The following ANO1 variants were observed in gnomAD, a reference collection of about 807,000 sequenced individuals.
ANO1 encodes the protein anoctamin 1, also known as anoctamin-1.
A neutral mutation model predicts 124.0 loss-of-function variants in ANO1; 59 were observed. The ratio of observed to expected loss-of-function variants is 0.48; its 90% CI spans 0.39 to 0.59. The LOEUF is 0.59. Among genes scored for constraint, ANO1 ranks in the 20% least tolerant of loss-of-function variants. The pLI is 0.00. For missense variants in ANO1, 1,059 were observed against 1,328.0 expected (o/e 0.80, Z 3.15); for synonymous variants, 529 against 532.0 (o/e 0.99, Z 0.08).
chr11:70,120,934 G>A (rs2046238556), intron 8 of ANO1, among the ~76,000 whole-genome samples: 2 of 152,190 alleles, frequency 1.3e-5, no homozygotes, highest in African/African-American at 2.4e-5. Context: ...CCGGGGCTAA[G>A]GTGCCACCTT....
In ANO1 at chr11:70,001,254, G is replaced by A. The variant is rs148218707; in HGVS notation, c.58+15088G>A. Among the ~76,000 whole-genome samples, 10 of 152,286 alleles carry A rather than the reference G, an allele frequency of 6.6e-5. No individual in the cohort carries two copies. The East Asian group carries it at 1.9e-3, about 29-fold the overall frequency. On this transcript the variant is annotated intron_variant, in intron 1 of 27. Transcript: ENST00000531349. The stretch of plus-strand genomic sequence containing the variant: ...AGCTAGCTGGCCTACATTCTAAATA[G>A]AATGCTCAGTAAACAAAGAGGCAGA...
intron 8 of ANO1, among the ~76,000 whole-genome samples, chr11:70,124,077 T>C (rs2046394520): frequency 6.6e-6 from 1 of 152,174 alleles, no homozygotes; most frequent in Non-Finnish European, 1.5e-5. Context: ...TGGTGTCTGA[T>C]GGGGATGACC....
intron 1 of ANO1, among the ~76,000 whole-genome samples, chr11:70,000,119 AC>A (rs1383352948): frequency 6.6e-6 from 1 of 152,218 alleles, no homozygotes; most frequent in Non-Finnish European, 1.5e-5. Context: ...AAGTGAGGTC[AC>A]TTTTTGGATG....
intron 11 of ANO1, among the ~76,000 whole-genome samples, chr11:70,136,566 G>A (rs115239320): frequency 0.012 from 1,732 of 141,830 alleles, 86 homozygotes; most frequent in African/African-American, 0.039. Flanking sequence ...GCTGAGGTTC[G>A]AAGGCTCAGC....
intron 1 of ANO1, among the ~76,000 whole-genome samples, chr11:70,024,365 T>C (rs997216818): frequency 6.6e-6 from 1 of 152,098 alleles, no homozygotes; most frequent in East Asian, 1.9e-4. Flanking sequence ...GGCAGTGGTG[T>C]TTCCTTAAGG....
At chr11:70,020,444 T>C (rs1856781742) in intron 1 of ANO1, among the ~76,000 whole-genome samples, 1 of 151,848 alleles carries the variant, frequency 6.6e-6, no homozygotes, top group Admixed American at 6.6e-5. Flanking sequence ...TGGTCCACCC[T>C]CCCCCAGCCC....
At chr11:70,098,806 G>A (rs948171) in intron 2 of ANO1, among the ~76,000 whole-genome samples, 151,186 of 152,264 alleles carry the variant, frequency 0.99, 75,062 homozygotes, top group East Asian at 1. Flanking sequence ...GGCCACGGGG[G>A]CTGTAGCGGG....
chr11:69,983,746 T>G (rs1281986707), upstream of ANO1, among the ~76,000 whole-genome samples: 3 of 152,220 alleles, frequency 2.0e-5, no homozygotes, highest in Non-Finnish European at 2.9e-5. Context: ...CTTTTAAACG[T>G]CTGGGTCTTC....
At chr11:70,023,909 T>G (rs975988746) in intron 1 of ANO1, among the ~76,000 whole-genome samples, 1 of 152,252 alleles carries the variant, frequency 6.6e-6, no homozygotes. Context: ...TACCAAAGTC[T>G]TGTCGAGAAA....
chr11:69,973,655 C>CTT, the ANO1 span, among the ~76,000 whole-genome samples: 1 of 151,992 alleles, frequency 6.6e-6, no homozygotes, highest in African/African-American at 2.4e-5. Context: ...GGGTGGATCA[C>CTT]AAGGTCAGGA....
chr11:70,114,168 TG>T (rs1454905184), intron 7 of ANO1, among the ~76,000 whole-genome samples: 1 of 152,240 alleles, frequency 6.6e-6, no homozygotes, highest in Non-Finnish European at 1.5e-5. Flanking sequence ...ATGTGGGGTC[TG>T]TTCCCACCTT....
At chr11:70,045,153 A>G (rs1857239609) in intron 1 of ANO1, among the ~76,000 whole-genome samples, 1 of 152,146 alleles carries the variant, frequency 6.6e-6, no homozygotes, top group Admixed American at 6.5e-5. Flanking sequence ...GTGGCAAAGC[A>G]TCAACAGCTA....
At chr11:70,114,921 C>T (rs984018611) in intron 7 of ANO1, among the ~76,000 whole-genome samples, 2 of 152,188 alleles carry the variant, frequency 1.3e-5, no homozygotes, top group African/African-American at 4.8e-5. Context: ...AGTGTATCAC[C>T]CGTACTGAAA....
intron 1 of ANO1, among the ~76,000 whole-genome samples, chr11:70,046,523 C>T (rs1225542704): frequency 6.6e-6 from 1 of 152,098 alleles, no homozygotes; most frequent in Non-Finnish European, 1.5e-5. Context: ...TTATTTCAAG[C>T]TTTTCTAGGA....
chr11:70,185,635 C>A lies in ANO1; in HGVS notation c.2634C>A (p.Asp878Glu), dbSNP rs1460346780. ...CGCCGTGGTCGGAAAACAAGTACGA[C>A]ATCTCCAAGGACTTCTGGGCCGTCC... ...REPPWSENKY[D>E]ISKDFWAVLA... Residue 878 changes from aspartate to glutamate, a missense_variant, in exon 25 of 26, where the codon GAC becomes GAA. Asp to Glu is a conservative substitution (Grantham distance 45). Around this residue, in one of 2 missense-constraint regions of ANO1, gnomAD observed 809 missense variants for 1,094.9 expected, o/e 0.74. Coordinates refer to ENST00000355303, the MANE Select transcript of ANO1 (RefSeq NM_018043.7). The A allele has an allele frequency of 1.9e-6, 3 of 1,613,976 alleles. No homozygotes were observed. Among genetic ancestry groups the A allele is most frequent in the Non-Finnish European group, 2.5e-6 (3 of 1,179,848 alleles).
At chr11:70,183,698 C>T (rs2049010236) in intron 24 of ANO1, among the ~76,000 whole-genome samples, 1 of 152,212 alleles carries the variant, frequency 6.6e-6, no homozygotes, top group Non-Finnish European at 1.5e-5. Flanking sequence ...GGCCCAGCAG[C>T]TGGCACCAGA....
At chr11:69,984,928 C>A (rs1299836144), upstream of ANO1, among the ~76,000 whole-genome samples, 1 of 152,212 alleles carries the variant, frequency 6.6e-6, no homozygotes, top group Non-Finnish European at 1.5e-5. Flanking sequence ...GGTAGTTCTG[C>A]CTGAGAATTT....
chr11:70,159,561 G>T (rs1388298419), intron 16 of ANO1, among the ~76,000 whole-genome samples: 1 of 152,196 alleles, frequency 6.6e-6, no homozygotes, highest in Non-Finnish European at 1.5e-5. Flanking sequence ...AACAAACGTT[G>T]GTTGAGCACC....
chr11:70,054,188 A>T (rs1857397647), intron 1 of ANO1, among the ~76,000 whole-genome samples: 1 of 152,134 alleles, frequency 6.6e-6, no homozygotes, highest in Non-Finnish European at 1.5e-5. Flanking sequence ...AGCTAAGGAA[A>T]CTGCACACCC....
Sources: gnomAD v4.1 joint callset for allele counts (sites outside exome capture counted in the v4.1 genomes callset) on GRCh38, gnomAD v4.1.1 for gene constraint, gnomAD v4.1.1 regional missense constraint, MANE v1.5 for transcripts, NCBI Gene and HGNC (gene_info 2026-07-23, HGNC 2026-07-21) for gene names.